NAALADL2: variants seen among roughly 807,000 people sequenced by gnomAD.
The protein encoded by NAALADL2 is inactive N-acetylated-alpha-linked acidic dipeptidase-like protein 2.
In NAALADL2, 76 loss-of-function variants were observed where a neutral mutation model predicts 87.2. The observed-to-expected ratio is 0.87, with a 90% confidence interval of 0.72 to 1.05. The LOEUF is 1.05. Ranked by LOEUF, NAALADL2 falls within the 50% of genes least tolerant of loss-of-function variation. NAALADL2 has a pLI of 0.00. For synonymous variants in NAALADL2, 354 were observed against 331.0 expected (o/e 1.07, Z -0.75); for missense variants, 1,089 against 945.8 (o/e 1.15, Z -1.99).
chr3:175,178,057 C>A (rs1735946529), intron 2 of NAALADL2, among the ~76,000 whole-genome samples: 1 of 151,984 alleles, frequency 6.6e-6, no homozygotes, highest in Non-Finnish European at 1.5e-5. Flanking sequence ...GTTCTCACTA[C>A]TCAGGTTCAT....
intron 1 of NAALADL2, among the ~76,000 whole-genome samples, chr3:175,081,791 T>C (rs1271003575): frequency 3.9e-5 from 6 of 152,238 alleles, no homozygotes; most frequent in Non-Finnish European, 8.8e-5. Flanking sequence ...AGTTAGTTTT[T>C]TCTTAACTGA....
intron 4 of NAALADL2, among the ~76,000 whole-genome samples, chr3:175,300,223 G>A (rs138798673): frequency 1.8e-3 from 270 of 151,676 alleles, no homozygotes; most frequent in African/African-American, 6.1e-3. Context: ...ATTGATGTTC[G>A]TCAAGAATAT....
chr3:174,771,877 G>A (rs1211399728), intron 3 of NAALADL2, among the ~76,000 whole-genome samples: 1 of 152,146 alleles, frequency 6.6e-6, no homozygotes, highest in Non-Finnish European at 1.5e-5. Flanking sequence ...GCTTTGAAAA[G>A]TGATGGAGAA....
At chr3:174,685,266 T>A (rs1454384304) in intron 2 of NAALADL2, among the ~76,000 whole-genome samples, 1 of 152,100 alleles carries the variant, frequency 6.6e-6, no homozygotes, top group Non-Finnish European at 1.5e-5. Context: ...TCTTGGTAAA[T>A]GGCAGCTGCA....
chr3:175,216,380 G>A (rs963771026), intron 2 of NAALADL2, among the ~76,000 whole-genome samples: 10 of 152,076 alleles, frequency 6.6e-5, no homozygotes, highest in African/African-American at 1.7e-4. Flanking sequence ...CTTTAAGAGA[G>A]TATTCAAATA....
intron 3 of NAALADL2, among the ~76,000 whole-genome samples, chr3:174,751,729 A>T (rs1450993376): frequency 6.6e-6 from 1 of 151,708 alleles, no homozygotes; most frequent in East Asian, 1.9e-4. Context: ...CTTGGAGTAA[A>T]GCTCACTTGA....
chr3:174,945,918 C>T (rs1223859131), intron 1 of NAALADL2, among the ~76,000 whole-genome samples: 1 of 151,802 alleles, frequency 6.6e-6, no homozygotes, highest in Non-Finnish European at 1.5e-5. Context: ...TGGTGGCATG[C>T]ACCTGCGGTC....
At chr3:175,538,224 A>G (rs1357657887) in intron 9 of NAALADL2, among the ~76,000 whole-genome samples, 1 of 152,144 alleles carries the variant, frequency 6.6e-6, no homozygotes, top group Non-Finnish European at 1.5e-5. Context: ...TTCATATGAT[A>G]GGTATGTTGA....
At chr3:174,545,755 CTG>C (rs1722674477) in intron 1 of NAALADL2, among the ~76,000 whole-genome samples, 1 of 151,910 alleles carries the variant, frequency 6.6e-6, no homozygotes, top group Non-Finnish European at 1.5e-5. Context: ...CCATCCTGTA[CTG>C]ATTCTCTGAT....
At chr3:174,772,541 G>A (rs1291432017) in intron 3 of NAALADL2, among the ~76,000 whole-genome samples, 1 of 152,098 alleles carries the variant, frequency 6.6e-6, no homozygotes, top group East Asian at 1.9e-4. Flanking sequence ...AATAAAATAA[G>A]CAGTTTTGAT....
At chr3:175,631,174 A>G (rs1323157015) in intron 11 of NAALADL2, among the ~76,000 whole-genome samples, 4 of 151,746 alleles carry the variant, frequency 2.6e-5, no homozygotes, top group Non-Finnish European at 5.9e-5. Flanking sequence ...TGCCAAATTA[A>G]ATTTTAATTT....
intron 1 of NAALADL2, among the ~76,000 whole-genome samples, chr3:175,078,179 C>G (rs1716998887): frequency 6.6e-6 from 1 of 152,028 alleles, no homozygotes; most frequent in African/African-American, 2.4e-5. Context: ...CATGCACCAC[C>G]ATGCCTGGTT....
intron 1 of NAALADL2, among the ~76,000 whole-genome samples, chr3:174,542,005 T>C (rs1181801268): frequency 6.6e-6 from 1 of 152,190 alleles, no homozygotes; most frequent in Non-Finnish European, 1.5e-5. Flanking sequence ...GTGTATAGGC[T>C]GTTGGCCAAC....
chr3:175,501,372 C>T (rs1271138531), intron 9 of NAALADL2, among the ~76,000 whole-genome samples: 1 of 151,108 alleles, frequency 6.6e-6, no homozygotes, highest in Non-Finnish European at 1.5e-5. Context: ...TTATATTACC[C>T]TGGAGGTTAA....
chr3:174,594,988 C>T (rs906736365), intron 2 of NAALADL2, among the ~76,000 whole-genome samples: 1 of 152,084 alleles, frequency 6.6e-6, no homozygotes, highest in Non-Finnish European at 1.5e-5. Flanking sequence ...CAATTCCTTT[C>T]TTCATTACTT....
At chr3:175,133,010 T>G (rs1180053852) in intron 2 of NAALADL2, among the ~76,000 whole-genome samples, 1 of 136,742 alleles carries the variant, frequency 7.3e-6, no homozygotes, top group Non-Finnish European at 1.6e-5. Context: ...CCAGACGGAG[T>G]CGCAGCCAGG....
rs116611382 is a variant in NAALADL2, at chr3:174,703,027, A to C, written c.-114-34614A>C. ...GTAGCAGAAAGTAAGTTTAAAATAG[A>C]AAATATTAAAAGTAAGTCTCTATCA... On this transcript the variant is annotated intron_variant, in intron 2 of 3. Coordinates refer to the NAALADL2 transcript ENST00000434257. Among the ~76,000 whole-genome samples, 935 of 152,324 alleles carry C rather than the reference A, an allele frequency of 6.1e-3. 6 individuals carry two copies. Among genetic ancestry groups the C allele is most frequent in the African/African-American group, 0.021 (889 of 41,560 alleles).
At chr3:175,734,862 A>G (rs963828887) in intron 11 of NAALADL2, among the ~76,000 whole-genome samples, 1 of 152,208 alleles carries the variant, frequency 6.6e-6, no homozygotes, top group Non-Finnish European at 1.5e-5. Flanking sequence ...GACATGCCCT[A>G]GAGACATTTT....
chr3:175,011,319 AG>A (rs1749794520), intron 1 of NAALADL2, among the ~76,000 whole-genome samples: 1 of 149,730 alleles, frequency 6.7e-6, no homozygotes, highest in African/African-American at 2.5e-5. Context: ...AGAGAGAGAG[AG>A]ACTAATTCTG....
Sources: gnomAD v4.1 joint callset for allele counts (sites outside exome capture counted in the v4.1 genomes callset) on GRCh38, gnomAD v4.1.1 for gene constraint, MANE v1.5 for transcripts, NCBI Gene and HGNC (gene_info 2026-07-23, HGNC 2026-07-21) for gene names.